The following ATE1 variants were observed in gnomAD, a reference collection of about 807,000 sequenced individuals.
The protein encoded by ATE1 is arginyl-tRNA--protein transferase 1.
Under a neutral mutation model 70.5 loss-of-function variants are expected in ATE1, and 36 were observed. That is an observed-to-expected ratio of 0.51 (90% CI 0.39 to 0.67). The LOEUF is 0.67. ATE1 is among the 30% of genes least tolerant of loss of function. The pLI is 0.00. For missense variants in ATE1, 593 were observed against 629.5 expected (o/e 0.94, Z 0.62); for synonymous variants, 232 against 219.3 (o/e 1.06, Z -0.51).
At chr10:121,840,233 G>A (rs925821110) in intron 9 of ATE1, among the ~76,000 whole-genome samples, 9 of 152,100 alleles carry the variant, frequency 5.9e-5, no homozygotes, top group African/African-American at 1.4e-4. Flanking sequence ...TCAACCAGTC[G>A]GCCAGGAATT....
upstream of ATE1, chr10:121,928,253 A>G (rs899506312): frequency 1.3e-5 from 18 of 1,409,628 alleles, no homozygotes; most frequent in South Asian, 2.6e-4. Context: ...AGGGGAAGGG[A>G]AGCGGGAGTC....
chr10:121,768,510 G>A (rs1909008), intron 11 of ATE1, among the ~76,000 whole-genome samples: 124,802 of 151,878 alleles, frequency 0.82, 51,710 homozygotes, highest in Non-Finnish European at 0.89. Flanking sequence ...CATAGCACCC[G>A]CTCCAATAAT....
In ATE1 at chr10:121,787,311, A is replaced by G. The variant is rs552541480; in HGVS notation, c.1378+2858T>C. Among the ~76,000 whole-genome samples, 12 of 152,332 alleles carry G rather than the reference A, an allele frequency of 7.9e-5. No homozygotes were observed. The South Asian group carries it at 2.1e-3, about 26-fold the overall frequency. On this transcript the variant is annotated intron_variant, in intron 11 of 11. Transcript: ENST00000224652. ...ATATTAAGCTCTATTTTCTGAGTCA[A>G]AGTTTGGGTCATGTAAAAGTAAAAC...
At position 121,743,622 on chromosome 10, in the gene ATE1, T is replaced by G. The variant is rs377706344; in HGVS notation, c.*58A>C. 6.7e-7 allele frequency: 1 copy of G among 1,497,774 alleles called. No homozygotes were observed. The allele number at this position is 1,497,774 out of a possible 1,614,324, so 92.8% of individuals were successfully genotyped here. The stretch of plus-strand genomic sequence containing the variant: ...GTTATTTCCCCACAGGTACTGAATA[T>G]GTATCCTGGCACAAATCATCAGCAC... On this transcript the variant is annotated 3_prime_UTR_variant, in exon 12 of 12. Transcript: ENST00000224652.
intron 3 of ATE1, among the ~76,000 whole-genome samples, chr10:121,919,755 A>C (rs188107684): frequency 5.3e-4 from 80 of 152,164 alleles, no homozygotes; most frequent in African/African-American, 1.8e-3. Flanking sequence ...AAAATTAACC[A>C]GGCCTAGCGG....
At chr10:121,800,310 T>G (rs1946825484) in intron 10 of ATE1, among the ~76,000 whole-genome samples, 2 of 152,238 alleles carry the variant, frequency 1.3e-5, no homozygotes, top group Admixed American at 6.5e-5. Flanking sequence ...CAAGTTAGCA[T>G]TCTTGGCTTT....
At chr10:121,857,585 A>T (rs1949294133) in intron 8 of ATE1, among the ~76,000 whole-genome samples, 2 of 152,228 alleles carry the variant, frequency 1.3e-5, no homozygotes, top group Admixed American at 1.3e-4. Flanking sequence ...TTGACCCAGC[A>T]ATCCCATTAT....
intron 1 of ATE1, chr10:121,926,765 T>C: frequency 1.0e-6 from 1 of 985,440 alleles, no homozygotes; most frequent in Non-Finnish European, 1.2e-6. Flanking sequence ...TTCCGGGCCT[T>C]CTTCCTTTCA....
chr10:121,872,613 T>A (rs991374620), intron 7 of ATE1, among the ~76,000 whole-genome samples: 3 of 152,028 alleles, frequency 2.0e-5, no homozygotes, highest in African/African-American at 7.2e-5. Flanking sequence ...GAAAGAACAA[T>A]TATAAAAAAA....
At chr10:121,928,418 A>C (rs1172856692), upstream of ATE1, 7 of 1,522,622 alleles carry the variant, frequency 4.6e-6, no homozygotes, top group Non-Finnish European at 4.4e-6. Context: ...CTTGTATTCC[A>C]CCACCGACGC....
At chr10:121,768,481 G>A (rs1035523307) in intron 11 of ATE1, among the ~76,000 whole-genome samples, 1 of 152,060 alleles carries the variant, frequency 6.6e-6, no homozygotes, top group African/African-American at 2.4e-5. Context: ...GGCAGGGGAG[G>A]GGGGAATCAC....
intron 11 of ATE1, among the ~76,000 whole-genome samples, chr10:121,758,567 G>A (rs2135763065): frequency 6.6e-6 from 1 of 152,334 alleles, no homozygotes; most frequent in African/African-American, 2.4e-5. Flanking sequence ...TGTGGAGACA[G>A]CCTCTACCGG....
chr10:121,750,806 G>A (rs1320818653), intron 11 of ATE1, among the ~76,000 whole-genome samples: 1 of 152,172 alleles, frequency 6.6e-6, no homozygotes, highest in Non-Finnish European at 1.5e-5. Context: ...ATGGCAGATG[G>A]CTGGAGATAG....
rs35350755 is a variant in ATE1 at position 121,790,176 on chromosome 10, T to A, written c.1371A>T (p.Pro457=). Residue 457 remains proline (P), a synonymous_variant, in exon 11 of 12, where the codon CCA becomes CCT. Transcript: ENST00000224652. Reference sequence around the variant, plus strand: ...GCTCAGCTCCAAACATACCTGCTTCTGGGTCCTGGTTGAAACGGCAGTACT... The same window carrying A: ...GCTCAGCTCCAAACATACCTGCTTCAGGGTCCTGGTTGAAACGGCAGTACT... ...NSKYCRFNQD[P]EAVDEDRSTE... 13 of 1,613,630 alleles carry A rather than the reference T, an allele frequency of 8.1e-6. No homozygotes were observed. The highest frequency in any genetic ancestry group is 5.3e-5 in the African/African-American group (4 of 74,806).
intron 9 of ATE1, among the ~76,000 whole-genome samples, chr10:121,839,424 T>C (rs575948780): frequency 6.6e-6 from 1 of 152,226 alleles, no homozygotes; most frequent in Admixed American, 6.5e-5. Flanking sequence ...TGTGAAGTGA[T>C]AATACAAAAA....
intron 8 of ATE1, among the ~76,000 whole-genome samples, chr10:121,863,597 T>C (rs568946694): frequency 1.3e-5 from 2 of 152,178 alleles, no homozygotes; most frequent in Non-Finnish European, 2.9e-5. Context: ...TGACTTAAAA[T>C]TCTTAAGTTT....
chr10:121,886,290 G>T (rs564940954), intron 7 of ATE1, among the ~76,000 whole-genome samples: 6 of 124,492 alleles, frequency 4.8e-5, no homozygotes, highest in African/African-American at 1.8e-4. Context: ...ATACATTGAT[G>T]ATTTAAAAAA....
intron 8 of ATE1, among the ~76,000 whole-genome samples, chr10:121,861,552 T>C (rs1949468307): frequency 7.6e-6 from 1 of 131,242 alleles, no homozygotes; most frequent in Admixed American, 8.9e-5. Context: ...TGAGAACACA[T>C]GGACACAGGA....
chr10:121,914,798 A>T (rs1011851055), intron 3 of ATE1, among the ~76,000 whole-genome samples: 1 of 152,238 alleles, frequency 6.6e-6, no homozygotes, highest in Non-Finnish European at 1.5e-5. Context: ...GGTACTACTG[A>T]AAACGGCTTA....
Sources: allele counts gnomAD v4.1 joint callset (sites outside exome capture counted in the v4.1 genomes callset), GRCh38; gene constraint gnomAD v4.1.1; transcripts MANE v1.5; gene names NCBI Gene and HGNC (gene_info 2026-07-23, HGNC 2026-07-21).